Variants in ITGA1 observed in about 807,000 individuals in gnomAD.
ITGA1 encodes the protein integrin subunit alpha 1, also known as integrin alpha-1.
In ITGA1, 85 loss-of-function variants were observed where a neutral mutation model predicts 145.9. That is an observed-to-expected ratio of 0.58 (90% confidence interval 0.49 to 0.70). The LOEUF (loss-of-function observed/expected upper bound fraction) is 0.70. Ranked by LOEUF, ITGA1 falls within the 30% of genes least tolerant of loss-of-function variation. ITGA1 has a pLI of 0.00. For missense variants in ITGA1, 1,351 were observed against 1,418.7 expected (o/e 0.95, Z 0.77); for synonymous variants, 520 against 495.3 (o/e 1.05, Z -0.66).
intron 1 of ITGA1, chr5:52,800,381 C>T: frequency 1.2e-6 from 2 of 1,613,316 alleles, no homozygotes; most frequent in Non-Finnish European, 1.7e-6. Context: ...TGTCAGTGAG[C>T]CCCTTCCTTG....
chr5:52,812,396 AT>A (rs1748695976), intron 1 of ITGA1, among the ~76,000 whole-genome samples: 1 of 152,198 alleles, frequency 6.6e-6, no homozygotes, highest in African/African-American at 2.4e-5. Context: ...GGGTGCAAGG[AT>A]TGTGTAAAAC....
At position 52,932,118 on chromosome 5, in the gene ITGA1, T is replaced by C; in HGVS notation, c.2843T>C (p.Val948Ala). ...ATTTCTATCCCGGTAAAATATGAAG[T>C]TGGACTACAGTTTTACAGGTAGGAG... ...VNISIPVKYE[V>A]GLQFYSSASE... The change falls in exon 22 of 29, where the codon GTT becomes GCT. Residue 948 changes from valine (V) to alanine (A), a missense_variant. Val to Ala is a moderately conservative substitution (Grantham distance 64). Transcript: ENST00000282588. The C allele has an allele frequency of 3.8e-6, 6 of 1,598,270 alleles. No homozygotes were observed. The South Asian group carries it at 5.5e-5, about 15-fold the overall frequency.
chr5:52,911,693 C>T (rs1345193515), intron 14 of ITGA1, among the ~76,000 whole-genome samples: 4 of 128,788 alleles, frequency 3.1e-5, no homozygotes, highest in African/African-American at 6.0e-5. Flanking sequence ...ATATACTATA[C>T]ATATAGTGTA....
chr5:52,867,862 T>G (rs534469163), intron 6 of ITGA1, among the ~76,000 whole-genome samples: 1 of 152,120 alleles, frequency 6.6e-6, no homozygotes, highest in African/African-American at 2.4e-5. Flanking sequence ...TTTTTCTTTC[T>G]GAGGGCTCTA....
intron 24 of ITGA1, among the ~76,000 whole-genome samples, chr5:52,938,409 A>T (rs1452051201): frequency 6.6e-6 from 1 of 152,184 alleles, no homozygotes; most frequent in East Asian, 1.9e-4. Flanking sequence ...TGATGTCAGA[A>T]TTTGGAAATC....
At chr5:52,934,607 C>A (rs2111892536) in intron 23 of ITGA1, among the ~76,000 whole-genome samples, 1 of 151,524 alleles carries the variant, frequency 6.6e-6, no homozygotes, top group Non-Finnish European at 1.5e-5. Flanking sequence ...AACTCTATAC[C>A]ACTATAGCAA....
At chr5:52,816,762 A>G (rs1390097012) in intron 1 of ITGA1, among the ~76,000 whole-genome samples, 3 of 152,234 alleles carry the variant, frequency 2.0e-5, no homozygotes, top group Non-Finnish European at 4.4e-5. Context: ...TCAGGAAGAT[A>G]GCAGAGCTCT....
chr5:52,895,645 A>T (rs1750212892), intron 9 of ITGA1, among the ~76,000 whole-genome samples: 1 of 152,126 alleles, frequency 6.6e-6, no homozygotes, highest in Non-Finnish European at 1.5e-5. Flanking sequence ...CAGCTAGGGG[A>T]GGGGGAGATC....
intron 13 of ITGA1, among the ~76,000 whole-genome samples, chr5:52,909,722 C>G (rs1405004025): frequency 6.7e-6 from 1 of 150,160 alleles, no homozygotes; most frequent in Non-Finnish European, 1.5e-5. Flanking sequence ...GTCCTTTTTC[C>G]AAGAAAGTGT....
intron 11 of ITGA1, 104 bp downstream of exon 11, chr5:52,898,487 T>G: frequency 9.6e-7 from 1 of 1,046,278 alleles, no homozygotes. Flanking sequence ...TATAGCAGGA[T>G]TATTTCAACA....
chr5:52,810,290 G>A (rs1358458535), intron 1 of ITGA1, among the ~76,000 whole-genome samples: 2 of 152,222 alleles, frequency 1.3e-5, no homozygotes, highest in Non-Finnish European at 2.9e-5. Context: ...GTGACAAGGA[G>A]CTAGCTGGGG....
rs1341434581 is a variant in ITGA1, at chr5:52,925,448, A to G, written c.2574A>G (p.Ile858Met). 13 of 1,613,998 alleles carry G rather than the reference A, an allele frequency of 8.1e-6. No individual in the cohort carries two copies. Among genetic ancestry groups the G allele is most frequent in the Admixed American group, 1.7e-5 (1 of 60,024 alleles). ...ACAGTGCCTATAACACCAGGACAAT[A>G]GTGCATTATTCTCCAAATCTAGTTT... ...TKDSAYNTRT[I>M]VHYSPNLVFS... Residue 858 changes from isoleucine to methionine, a missense_variant, in exon 19 of 29, where the codon ATA becomes ATG. Ile to Met is a conservative substitution (Grantham distance 10). Coordinates refer to ENST00000282588, the MANE Select transcript of ITGA1 (RefSeq NM_181501.2).
chr5:52,926,372 G>A (rs1314271437), intron 19 of ITGA1, among the ~76,000 whole-genome samples: 1 of 152,096 alleles, frequency 6.6e-6, no homozygotes, highest in African/African-American at 2.4e-5. Context: ...GGAGACCGAG[G>A]CGGGCAAATC....
chr5:52,846,527 G>A (rs770574165), intron 1 of ITGA1, among the ~76,000 whole-genome samples: 2 of 152,174 alleles, frequency 1.3e-5, no homozygotes, highest in Non-Finnish European at 2.9e-5. Context: ...GTCATTAACC[G>A]AAACATCATT....
chr5:52,809,366 C>A (rs574474646), intron 1 of ITGA1, among the ~76,000 whole-genome samples: 3 of 152,256 alleles, frequency 2.0e-5, no homozygotes, highest in South Asian at 4.1e-4. Flanking sequence ...GCTAACTCAG[C>A]CTGGCTTTAG....
chr5:52,880,911 G>A (rs1749946327), intron 6 of ITGA1, among the ~76,000 whole-genome samples: 1 of 152,310 alleles, frequency 6.6e-6, no homozygotes, highest in Non-Finnish European at 1.5e-5. Context: ...TGTGGAAAAA[G>A]TGTAGGAGAG....
intron 1 of ITGA1, among the ~76,000 whole-genome samples, chr5:52,792,894 C>T (rs548723515): frequency 1.1e-4 from 16 of 152,152 alleles, no homozygotes; most frequent in African/African-American, 2.6e-4. Flanking sequence ...GAATTGTATT[C>T]GCCCTCAAAG....
At chr5:52,887,172 A>G (rs934709451) in intron 7 of ITGA1, among the ~76,000 whole-genome samples, 38 of 152,182 alleles carry the variant, frequency 2.5e-4, no homozygotes, top group African/African-American at 8.9e-4. Flanking sequence ...TCCTTCAACC[A>G]CTTTTTGCTC....
intron 15 of ITGA1, among the ~76,000 whole-genome samples, chr5:52,915,947 C>T (rs902258332): frequency 6.6e-6 from 1 of 152,062 alleles, no homozygotes; most frequent in Non-Finnish European, 1.5e-5. Context: ...TAGAGATAAT[C>T]GACTTTGTAT....
Sources: allele counts gnomAD v4.1 joint callset (sites outside exome capture counted in the v4.1 genomes callset), GRCh38; gene constraint gnomAD v4.1.1; transcripts MANE v1.5; gene names NCBI Gene and HGNC (gene_info 2026-07-23, HGNC 2026-07-21).